MAGI1: variants seen among roughly 807,000 people sequenced by gnomAD.
MAGI1 encodes the protein membrane associated guanylate kinase, WW and PDZ domain containing 1.
In MAGI1, 58 loss-of-function variants were observed where a neutral mutation model predicts 139.9. That is an observed-to-expected ratio of 0.41 (90% CI 0.34 to 0.52). The LOEUF (loss-of-function observed/expected upper bound fraction) is 0.52. MAGI1 is among the 20% of genes least tolerant of loss of function. The probability of loss-of-function intolerance (pLI) is 0.12; values close to 1 mark genes in which losing one functional copy is unlikely to be tolerated. For synonymous variants in MAGI1, 812 were observed against 737.9 expected (o/e 1.10, Z -1.63); for missense variants, 1,874 against 1,901.6 (o/e 0.99, Z 0.27).
At chr3:65,535,364 G>T (rs2078914406) in intron 2 of MAGI1, among the ~76,000 whole-genome samples, 1 of 152,160 alleles carries the variant, frequency 6.6e-6, no homozygotes, top group Non-Finnish European at 1.5e-5. Flanking sequence ...AACTAAATGA[G>T]ATGCCTTGTC....
chr3:65,733,523 T>A (rs371500196), intron 1 of MAGI1, among the ~76,000 whole-genome samples: 1 of 152,328 alleles, frequency 6.6e-6, no homozygotes, highest in South Asian at 2.1e-4. Flanking sequence ...AGATTATCTG[T>A]CAGTGGCAAC....
Position 65,947,926 on chromosome 3 carries a change from C to T in MAGI1, c.313+90070G>A, listed in dbSNP as rs575263583. 4.8e-5 allele frequency among the ~76,000 whole-genome samples: 7 copies of T among 145,800 alleles called. No homozygotes were observed. In the South Asian group the frequency reaches 1.6e-3, roughly 33 times the overall value. ...AGCAACTGCTGTGCCCAGCAATCAG[C>T]AATATCTTTCTCTTTTTTTTTTTTT... is the stretch of plus-strand genomic sequence containing the variant. On this transcript the variant is annotated intron_variant, in intron 1 of 22. Coordinates refer to ENST00000402939, the MANE Select transcript of MAGI1 (RefSeq NM_001033057.2).
chr3:65,912,617 T>G (rs2061718928), intron 1 of MAGI1, among the ~76,000 whole-genome samples: 1 of 152,234 alleles, frequency 6.6e-6, no homozygotes, highest in South Asian at 2.1e-4. Flanking sequence ...TTCACTTAAG[T>G]ACCTCACCAA....
intron 1 of MAGI1, among the ~76,000 whole-genome samples, chr3:65,782,785 A>G (rs1473716751): frequency 1.3e-5 from 2 of 152,002 alleles, no homozygotes; most frequent in South Asian, 2.1e-4. Context: ...TGTTTGCAAT[A>G]TAAGTGTTAT....
intron 1 of MAGI1, among the ~76,000 whole-genome samples, chr3:65,664,983 A>C (rs930198626): frequency 2.0e-5 from 3 of 152,224 alleles, no homozygotes; most frequent in African/African-American, 7.2e-5. Flanking sequence ...ACCATTAAAA[A>C]AATTCAAACA....
intron 1 of MAGI1, among the ~76,000 whole-genome samples, chr3:65,879,693 G>C (rs534872773): frequency 3.9e-5 from 6 of 152,208 alleles, no homozygotes; most frequent in African/African-American, 1.4e-4. Context: ...TGATAGTCTA[G>C]GTACAATACC....
chr3:65,687,115 C>G (rs552563417), intron 1 of MAGI1, among the ~76,000 whole-genome samples: 1 of 152,146 alleles, frequency 6.6e-6, no homozygotes, highest in Non-Finnish European at 1.5e-5. Context: ...GAAGAATCTC[C>G]AGGCCTGGTG....
intron 2 of MAGI1, among the ~76,000 whole-genome samples, chr3:65,593,039 A>G (rs1305326593): frequency 6.6e-6 from 1 of 152,160 alleles, no homozygotes; most frequent in East Asian, 1.9e-4. Flanking sequence ...GTTATTCTCA[A>G]TATAAGGTCA....
intron 1 of MAGI1, among the ~76,000 whole-genome samples, chr3:65,675,027 C>T (rs1212630222): frequency 6.6e-6 from 1 of 152,020 alleles, no homozygotes; most frequent in Non-Finnish European, 1.5e-5. Flanking sequence ...ATGGGGCTGG[C>T]TCTGCTGTAT....
intron 1 of MAGI1, among the ~76,000 whole-genome samples, chr3:65,828,652 C>A (rs147797315): frequency 4.0e-4 from 61 of 152,278 alleles, no homozygotes; most frequent in African/African-American, 1.4e-3. Context: ...ATGATGTCCA[C>A]GTTCTCATCT....
chr3:65,356,401 A>G lies in MAGI1; in HGVS notation c.4366T>C (p.Cys1456Arg), dbSNP rs1193333545. The change falls in exon 23 of 23, where the codon TGT becomes CGT. Residue 1456 changes from cysteine to arginine, a missense_variant. By Grantham distance (180) the Cys-to-Arg change is radical (BLOSUM62 -3). Around this residue, in one of 5 missense-constraint regions of MAGI1, gnomAD observed 653 missense variants for 644.5 expected, o/e 1.01. Coordinates refer to ENST00000402939, the MANE Select transcript of MAGI1 (RefSeq NM_001033057.2). ...PEQRRRPYKE[C>R]STDLSI ...TCTCAGATACTGAGGTCGGTGCTAC[A>G]TTCTTTGTAAGGTCGCCTTCTCTGC... 6.2e-7 allele frequency: 1 copy of G among 1,600,732 alleles called. No homozygotes were observed. The highest frequency in any genetic ancestry group is 8.5e-7 in the Non-Finnish European group (1 of 1,175,866).
intron 1 of MAGI1, among the ~76,000 whole-genome samples, chr3:65,933,805 C>G (rs573977872): frequency 3.7e-4 from 57 of 152,276 alleles, no homozygotes; most frequent in African/African-American, 1.3e-3. Context: ...TATGTATGCA[C>G]AGCAGCAAAT....
chr3:65,718,358 C>T (rs1321561495), intron 1 of MAGI1: 2 of 152,128 alleles, frequency 1.3e-5, no homozygotes, highest in African/African-American at 4.8e-5. Flanking sequence ...TTTCACAGAA[C>T]GTGTTTCCAG....
chr3:65,610,771 T>A (rs1430866837), intron 2 of MAGI1, among the ~76,000 whole-genome samples: 6 of 142,866 alleles, frequency 4.2e-5, no homozygotes, highest in Non-Finnish European at 9.1e-5. Context: ...ATAGCATATA[T>A]ATATACTGTA....
At chr3:65,387,763 C>T (rs570755254) in intron 14 of MAGI1, among the ~76,000 whole-genome samples, 3 of 152,286 alleles carry the variant, frequency 2.0e-5, no homozygotes, top group African/African-American at 4.8e-5. Context: ...AATACAAACT[C>T]ATAATTGCTC....
chr3:65,981,718 C>A (rs371212347), intron 1 of MAGI1, among the ~76,000 whole-genome samples: 2 of 152,148 alleles, frequency 1.3e-5, no homozygotes, highest in Non-Finnish European at 2.9e-5. Context: ...ATAAGTCTCA[C>A]AAGAACTGAT....
intron 1 of MAGI1, among the ~76,000 whole-genome samples, chr3:65,937,650 T>C (rs933184775): frequency 1.3e-5 from 2 of 152,132 alleles, no homozygotes; most frequent in African/African-American, 2.4e-5. Flanking sequence ...ACCTGCTAAA[T>C]AGAATTTTTA....
intron 2 of MAGI1, among the ~76,000 whole-genome samples, chr3:65,551,427 A>C (rs990953659): frequency 9.2e-5 from 14 of 152,172 alleles, no homozygotes; most frequent in Admixed American, 5.2e-4. Flanking sequence ...CAGCTCCCCG[A>C]GTGGCTGGGA....
intron 1 of MAGI1, among the ~76,000 whole-genome samples, chr3:65,978,325 T>G (rs149022612): frequency 1.2e-4 from 19 of 152,302 alleles, no homozygotes; most frequent in African/African-American, 4.6e-4. Flanking sequence ...GTCTGGAAGT[T>G]TGTGGCTCTA....
Sources: allele counts gnomAD v4.1 joint callset (sites outside exome capture counted in the v4.1 genomes callset), GRCh38; gene constraint gnomAD v4.1.1; regional missense constraint gnomAD v4.1.1; transcripts MANE v1.5; gene names NCBI Gene and HGNC (gene_info 2026-07-23, HGNC 2026-07-21).